The following LOC128125822 variants were observed in gnomAD, a reference collection of about 807,000 sequenced individuals.
the LOC128125822 span, chr6:63,579,078 A>C: frequency 6.6e-7 from 1 of 1,506,494 alleles, no homozygotes. Flanking sequence ...TTGATAATGA[A>C]AATACAGAAA....
the LOC128125822 span, among the ~76,000 whole-genome samples, chr6:63,573,869 G>A: frequency 6.6e-6 from 1 of 152,176 alleles, no homozygotes; most frequent in South Asian, 2.1e-4. Context: ...TTTTGGAAGG[G>A]CCCTGGATGG....
the LOC128125822 span, chr6:63,579,100 C>A: frequency 7.0e-7 from 1 of 1,422,972 alleles, no homozygotes; most frequent in Non-Finnish European, 9.3e-7. Context: ...TTGAAAAATT[C>A]TTATAATTTT....
the LOC128125822 span, chr6:63,572,745 C>G: frequency 2.5e-6 from 1 of 398,314 alleles, no homozygotes; most frequent in Non-Finnish European, 4.4e-6. Flanking sequence ...ATCGTCGCCT[C>G]TCGGGCTGGG....
chr6:63,572,517 G>GGCTCGGCTACGC, the LOC128125822 span: 1 of 391,210 alleles, frequency 2.6e-6, no homozygotes, highest in African/African-American at 2.1e-5. Context: ...GCTGCGGGCC[G>GGCTCGGCTACGC]GCTCGGCTAC....
the LOC128125822 span, chr6:63,572,641 CCGCCACCGCCTGTGT>C: frequency 2.4e-6 from 1 of 417,778 alleles, no homozygotes; most frequent in Admixed American, 4.4e-5. Flanking sequence ...CCTGCAGCCA[CCGCCACCGCCTGTGT>C]CGCCGCCGCC....
At chr6:63,582,994 A>T in the LOC128125822 span, 1 of 152,158 alleles carries the variant, frequency 6.6e-6, no homozygotes, top group African/African-American at 2.4e-5. Flanking sequence ...TTATTTTTTT[A>T]ATGTCATATT....
the LOC128125822 span, among the ~76,000 whole-genome samples, chr6:63,575,280 G>A: frequency 3.3e-5 from 5 of 152,248 alleles, no homozygotes; most frequent in South Asian, 8.3e-4. Flanking sequence ...AAGTGCTTGA[G>A]GCAGTGACTA....
At chr6:63,573,427 G>T in the LOC128125822 span, 3 of 152,174 alleles carry the variant, frequency 2.0e-5, no homozygotes, top group Admixed American at 6.5e-5. Context: ...GCCGGGACCC[G>T]AGCCTCAGAC....
chr6:63,581,455 CATT>C, the LOC128125822 span: 10 of 152,650 alleles, frequency 6.6e-5, no homozygotes, highest in African/African-American at 2.4e-4. Context: ...CATTTATCAT[CATT>C]GAGATTGGTT....
the LOC128125822 span, among the ~76,000 whole-genome samples, chr6:63,577,764 C>T: frequency 6.6e-6 from 1 of 151,892 alleles, no homozygotes; most frequent in Admixed American, 6.6e-5. Flanking sequence ...ATTGGCCAGG[C>T]TGGTCTCGAA....
At chr6:63,573,402 CTCTT>C in the LOC128125822 span, 1 of 152,242 alleles carries the variant, frequency 6.6e-6, no homozygotes, top group Non-Finnish European at 1.5e-5. Context: ...TGCAGCTACA[CTCTT>C]GTGCTCGACG....
the LOC128125822 span, among the ~76,000 whole-genome samples, chr6:63,579,882 A>G: frequency 6.6e-6 from 1 of 152,192 alleles, no homozygotes; most frequent in Non-Finnish European, 1.5e-5. Flanking sequence ...TTAACTTTTT[A>G]TGATTTTTTC....
chr6:63,576,305 A>G, the LOC128125822 span: 2 of 388,170 alleles, frequency 5.2e-6, no homozygotes, highest in East Asian at 7.3e-5. Context: ...AATTCAAGTA[A>G]AAGTCGATGA....
chr6:63,572,526 AC>A, the LOC128125822 span: 56 of 390,644 alleles, frequency 1.4e-4, no homozygotes, highest in Non-Finnish European at 2.2e-4. Context: ...CGGCTCGGCT[AC>A]GCGCTCTGCT....
the LOC128125822 span, chr6:63,577,059 A>G: frequency 8.2e-7 from 1 of 1,215,376 alleles, no homozygotes; most frequent in Non-Finnish European, 1.2e-6. Flanking sequence ...ACAAAATAAA[A>G]ACTACTTTGG....
At chr6:63,574,893 C>G in the LOC128125822 span, among the ~76,000 whole-genome samples, 2 of 152,154 alleles carry the variant, frequency 1.3e-5, no homozygotes, top group Non-Finnish European at 2.9e-5. Flanking sequence ...GTAATTTAGA[C>G]ACTTAATTTT....
At chr6:63,577,331 G>A in the LOC128125822 span, among the ~76,000 whole-genome samples, 1 of 152,250 alleles carries the variant, frequency 6.6e-6, no homozygotes, top group South Asian at 2.1e-4. Flanking sequence ...CCATAAACCA[G>A]TTGGTTTTTC....
chr6:63,581,498 C>G, the LOC128125822 span: 1 of 152,570 alleles, frequency 6.6e-6, no homozygotes, highest in African/African-American at 2.4e-5. Context: ...TTGTAGAAGA[C>G]AAAATGAATT....
the LOC128125822 span, chr6:63,580,425 A>AC: frequency 2.5e-6 from 1 of 401,480 alleles, no homozygotes; most frequent in Non-Finnish European, 4.6e-6. Flanking sequence ...GTATCAATTG[A>AC]CCTTTCCCCA....
Sources: gnomAD v4.1 joint callset for allele counts (sites outside exome capture counted in the v4.1 genomes callset) on GRCh38, gnomAD v4.1.1 for gene constraint, MANE v1.5 for transcripts.